MYH14: variants seen among roughly 807,000 people sequenced by gnomAD.
MYH14 encodes the protein myosin heavy chain 14, also known as myosin-14.
A neutral mutation model predicts 255.5 loss-of-function variants in MYH14; 123 were observed. The ratio of observed to expected loss-of-function variants is 0.48; its 90% CI spans 0.42 to 0.56. The LOEUF is 0.56. Among genes scored for constraint, MYH14 ranks in the 20% least tolerant of loss-of-function variants. MYH14 has a pLI of 0.00. For missense variants in MYH14, 2,423 were observed against 2,802.3 expected (o/e 0.86, Z 3.06); for synonymous variants, 1,095 against 1,161.2 (o/e 0.94, Z 1.16).
At position 50,300,195 on chromosome 19, in the gene MYH14, A is replaced by G. The variant is rs932814981; in HGVS notation, c.5470-1466A>G. 1.2e-4 allele frequency among the ~76,000 whole-genome samples: 18 copies of G among 152,128 alleles called. 1 individual carries two copies. Among genetic ancestry groups the G allele is most frequent in the African/African-American group, 4.3e-4 (18 of 41,408 alleles). ...AGTTCTCTTTCTTGACCAAGGTGCTACTGACAGTGATGTCTGCCTTTTGTT... is the reference window on the plus strand; with the variant it reads ...AGTTCTCTTTCTTGACCAAGGTGCTGCTGACAGTGATGTCTGCCTTTTGTT... On this transcript the variant is annotated intron_variant, in intron 39 of 42. Transcript: ENST00000642316.
At chr19:50,246,113 T>TTCCTTCCTTCCTTCCTTCCC (rs1277806760) in intron 11 of MYH14, among the ~76,000 whole-genome samples, 1 of 121,156 alleles carries the variant, frequency 8.3e-6, no homozygotes, top group Admixed American at 8.6e-5. Context: ...CCTTCCTTTC[T>TTCCTTCCTTCCTTCCTTCCC]TCCTTCCTTC....
At chr19:50,232,142 C>T (rs1475412009) in intron 10 of MYH14, 72 bp downstream of exon 10, 28 of 1,576,030 alleles carry the variant, frequency 1.8e-5, no homozygotes, top group Non-Finnish European at 2.4e-5. Context: ...CCATTCATGC[C>T]CCGATCTCTT....
At position 50,286,568 on chromosome 19, in the gene MYH14, G is replaced by A. The variant is rs752282566; in HGVS notation, c.4626G>A (p.Arg1542=). Residue 1542 remains arginine, a synonymous_variant, in exon 34 of 43, where the codon CGG becomes CGA. Transcript: ENST00000642316. ...AEAEGREREA[R]ALSLTRALEE... Reference sequence around the variant, plus strand: ...CAGAGGGCCGGGAGCGTGAGGCTCGGGCCCTGTCACTGACACGGGCACTGG... The same window carrying A: ...CAGAGGGCCGGGAGCGTGAGGCTCGAGCCCTGTCACTGACACGGGCACTGG... The A allele has an allele frequency of 2.5e-6, 4 of 1,610,842 alleles. No individual in the cohort carries two copies. The South Asian group carries it at 4.4e-5, about 18-fold the overall frequency.
In MYH14 at chr19:50,261,467, C is replaced by G. The variant is rs779326516; in HGVS notation, c.2425-8C>G. The G allele has an allele frequency of 2.1e-6, 3 of 1,450,864 alleles. No individual in the cohort carries two copies. The Admixed American group carries it at 7.7e-5, about 37-fold the overall frequency. The allele number at this position is 1,450,864 out of a possible 1,614,324, so 89.9% of individuals were successfully genotyped here. A position where few individuals can be genotyped will look rare whatever the true frequency, so the allele number is the denominator to read the frequency against. ...TCTCCGTCATCACCCCTCTCCCACCCCTCACAGATCCAGGCGCTGGAACTG... is the reference window on the plus strand; with the variant it reads ...TCTCCGTCATCACCCCTCTCCCACCGCTCACAGATCCAGGCGCTGGAACTG... On this transcript the variant is annotated splice_polypyrimidine_tract_variant and splice_region_variant and intron_variant, in intron 20 of 42. Coordinates refer to ENST00000642316, the MANE Select transcript of MYH14 (RefSeq NM_001145809.2).
chr19:50,232,117 G>A, intron 10 of MYH14, 47 bp downstream of exon 10: 1 of 1,601,720 alleles, frequency 6.2e-7, no homozygotes, highest in Non-Finnish European at 8.5e-7. Context: ...ACCCCACGGA[G>A]AGCTGGGGAC....
At chr19:50,283,266 T>A (rs984046689) in intron 33 of MYH14, among the ~76,000 whole-genome samples, 1 of 152,104 alleles carries the variant, frequency 6.6e-6, no homozygotes, top group Admixed American at 6.5e-5. Flanking sequence ...ATTACAGGTG[T>A]GCACCACCAT....
rs2032817362 is a variant in MYH14, at chr19:50,221,501, A to T, written c.563-1582A>T. Among the ~76,000 whole-genome samples, 1 of 152,006 alleles carries T rather than the reference A, an allele frequency of 6.6e-6. No individual in the cohort carries two copies. The highest frequency in any genetic ancestry group is 1.5e-5 in the Non-Finnish European group (1 of 68,006). Reference sequence around the variant, plus strand: ...TTTAAATTTATTTATTTAGAGACGGAGCCTCACTCTTGTCACCCAGGCTGG... The same window carrying T: ...TTTAAATTTATTTATTTAGAGACGGTGCCTCACTCTTGTCACCCAGGCTGG... On this transcript the variant is annotated intron_variant, in intron 3 of 42. Coordinates refer to ENST00000642316, the MANE Select transcript of MYH14 (RefSeq NM_001145809.2). The surrounding 1 kb of genome is among the most constrained non-coding windows in gnomAD (Gnocchi z 5.3).
intron 16 of MYH14, among the ~76,000 whole-genome samples, chr19:50,254,147 G>T (rs2034503464): frequency 6.6e-6 from 1 of 151,894 alleles, no homozygotes; most frequent in Non-Finnish European, 1.5e-5. Context: ...AACCCGGGAG[G>T]TGGAGGTTGT....
intron 37 of MYH14, among the ~76,000 whole-genome samples, chr19:50,292,641 A>G (rs755640816): frequency 7.2e-5 from 11 of 152,170 alleles, no homozygotes; most frequent in South Asian, 6.2e-4. Flanking sequence ...GTGGCCTGCA[A>G]TGCCAGCCTA....
At chr19:50,267,149 C>T (rs1000563675) in intron 23 of MYH14, 141 bp downstream of exon 23, 7 of 835,280 alleles carry the variant, frequency 8.4e-6, no homozygotes, top group South Asian at 1.7e-5. Flanking sequence ...GGGAGCAAAG[C>T]TAAGGTGTAC....
In MYH14 at chr19:50,221,910, C is replaced by T. The variant is rs2032837488; in HGVS notation, c.563-1173C>T. Among the ~76,000 whole-genome samples the T allele has an allele frequency of 6.6e-6, 1 of 152,198 alleles. No homozygotes were observed. The highest frequency in any genetic ancestry group is 2.4e-5 in the African/African-American group (1 of 41,440). On this transcript the variant is annotated intron_variant, in intron 3 of 42. Coordinates refer to ENST00000642316, the MANE Select transcript of MYH14 (RefSeq NM_001145809.2). This position sits in a 1 kb window ranked among gnomAD's most constrained non-coding sequence, Gnocchi z 5.3. ...GCTGTGCCCTCTGCCTGAAATGCCA[C>T]CTCCACTGAGAAGCCTTCCCTGCTC... is the stretch of plus-strand genomic sequence containing the variant.
Position 50,276,803 on chromosome 19 carries a change from G to A in MYH14, c.3727G>A (p.Glu1243Lys), listed in dbSNP as rs2035524146. ...EVTELKKTLE[E>K]ETRIHEAAVQ... is the part of the protein sequence containing the mutation. ...GACGGAGCTGAAGAAGACTCTGGAGGAGGAGACTCGCATCCACGAGGCGGC... is the reference window on the plus strand; with the variant it reads ...GACGGAGCTGAAGAAGACTCTGGAGAAGGAGACTCGCATCCACGAGGCGGC... Residue 1243 changes from glutamate (E) to lysine (K), a missense_variant, in exon 29 of 43, where the codon GAG becomes AAG. Physicochemically the swap from Glu to Lys is moderately conservative, Grantham distance 56. This residue lies in a region of MYH14 where 1,513 missense variants were observed against 1,674.8 expected (regional missense o/e 0.90). Coordinates refer to ENST00000642316, the MANE Select transcript of MYH14 (RefSeq NM_001145809.2). The surrounding 1 kb of genome is among the most constrained non-coding windows in gnomAD (Gnocchi z 4.3). 6.2e-7 allele frequency: 1 copy of A among 1,613,374 alleles called. No homozygotes were observed. Among genetic ancestry groups the A allele is most frequent in the Non-Finnish European group, 8.5e-7 (1 of 1,179,878 alleles).
chr19:50,271,934 T>C lies in MYH14; in HGVS notation c.3257T>C (p.Leu1086Pro). 6.2e-7 allele frequency: 1 copy of C among 1,611,966 alleles called. No individual in the cohort carries two copies. The highest frequency in any genetic ancestry group is 8.5e-7 in the Non-Finnish European group (1 of 1,179,182). The stretch of plus-strand genomic sequence containing the variant: ...GAGAAGGTCAAGAGCCTCAATAAGC[T>C]ACGGCTCAAATATGAGGCCACAATC... ...EEEKVKSLNK[L>P]RLKYEATIAD... Residue 1086 changes from leucine to proline, a missense_variant, in exon 26 of 43, where the codon CTA (leucine) becomes CCA (proline). Leu to Pro is a moderately conservative substitution (Grantham distance 98). Coordinates refer to ENST00000642316, the MANE Select transcript of MYH14 (RefSeq NM_001145809.2).
chr19:50,236,475 C>T (rs1282726318), intron 10 of MYH14, among the ~76,000 whole-genome samples: 2 of 151,920 alleles, frequency 1.3e-5, no homozygotes, highest in East Asian at 1.9e-4. Flanking sequence ...TTTGGGAGGC[C>T]GAGGCAGGCG....
chr19:50,242,469 C>T (rs2033928869), intron 10 of MYH14, among the ~76,000 whole-genome samples: 1 of 152,106 alleles, frequency 6.6e-6, no homozygotes, highest in Non-Finnish European at 1.5e-5. Context: ...GGGGTTTCCA[C>T]TTATAAAACC....
At chr19:50,226,750 C>G (rs1269482024) in intron 7 of MYH14, among the ~76,000 whole-genome samples, 153 bp from the exon 8 acceptor site, 2 of 151,960 alleles carry the variant, frequency 1.3e-5, no homozygotes, top group East Asian at 3.9e-4. Flanking sequence ...CCGATGGGGA[C>G]TCACCACAGG....
chr19:50,232,509 G>GT (rs1249892985), intron 10 of MYH14, among the ~76,000 whole-genome samples: 1 of 142,774 alleles, frequency 7.0e-6, no homozygotes, highest in African/African-American at 2.6e-5. Flanking sequence ...CAGGAGAATA[G>GT]TTTGAACCCA....
chr19:50,251,498 TAC>T (rs1477355570), intron 15 of MYH14, among the ~76,000 whole-genome samples: 161 of 134,944 alleles, frequency 1.2e-3, no homozygotes, highest in African/African-American at 4.1e-3. Context: ...CATATATATA[TAC>T]ACACATATAT....
At chr19:50,258,805 G>A in intron 18 of MYH14, 1 of 246,578 alleles carries the variant, frequency 4.1e-6, no homozygotes, top group Non-Finnish European at 7.6e-6. Flanking sequence ...ACAGACATCA[G>A]CTTCCCAGGA....
Sources: gnomAD v4.1 joint callset for allele counts (sites outside exome capture counted in the v4.1 genomes callset) on GRCh38, gnomAD v4.1.1 for gene constraint, gnomAD v4.1.1 regional missense constraint, Gnocchi (gnomAD v3.1) non-coding constraint, MANE v1.5 for transcripts, NCBI Gene and HGNC (gene_info 2026-07-23, HGNC 2026-07-21) for gene names.